Variants in PI4KA observed in about 807,000 individuals in gnomAD.
PI4KA encodes the protein PI4-kinase alpha.
PI4KA carries 122 observed loss-of-function variants against 271.4 expected under a neutral mutation model. The observed-to-expected ratio is 0.45, with a 90% CI of 0.39 to 0.52. PI4KA has a LOEUF of 0.52. Ranked by LOEUF, PI4KA falls within the 20% of genes least tolerant of loss-of-function variation. The pLI is 0.00. For missense variants in PI4KA, 1,969 were observed against 2,769.1 expected (o/e 0.71, Z 6.48); for synonymous variants, 1,041 against 1,078.8 (o/e 0.96, Z 0.69).
intron 43 of PI4KA, 122 bp downstream of exon 43, chr22:20,721,176 G>GCAAA (rs2147203848): frequency 1.1e-6 from 1 of 946,602 alleles, no homozygotes; most frequent in East Asian, 2.4e-5. Context: ...AGCAAAGGGT[G>GCAAA]GGAGTGGAGG....
At chr22:20,784,518 C>G (rs1362638087) in intron 19 of PI4KA, among the ~76,000 whole-genome samples, 1 of 152,112 alleles carries the variant, frequency 6.6e-6, no homozygotes. Flanking sequence ...TGCTTTGTGG[C>G]TTCGAGTCCC....
chr22:20,794,141 C>T (rs1026612275), intron 18 of PI4KA, among the ~76,000 whole-genome samples: 1 of 152,212 alleles, frequency 6.6e-6, no homozygotes, highest in Non-Finnish European at 1.5e-5. Context: ...AGCTGTTTTC[C>T]CTGGGCTGGG....
Position 20,834,621 on chromosome 22 carries a change from A to G in PI4KA, c.308T>C (p.Leu103Pro). The G allele has an allele frequency of 6.2e-7, 1 of 1,610,354 alleles. No homozygotes were observed. The stretch of plus-strand genomic sequence containing the variant: ...ATACACTTTTGGAAGACCTTTGAGA[A>G]GTCGAAGAAGGTAAGGAACCACACA... ...KDCVVPYLLRLLKGLPKVYWV... is the reference protein window; with the variant it reads ...KDCVVPYLLRPLKGLPKVYWV... The change falls in exon 3 of 55, where the codon CTT becomes CCT. Residue 103 changes from leucine to proline, a missense_variant. By Grantham distance (98) the Leu-to-Pro change is moderately conservative. Around this residue, in one of 13 missense-constraint regions of PI4KA, gnomAD observed 540 missense variants for 555.5 expected, o/e 0.97. Coordinates refer to ENST00000255882, the MANE Select transcript of PI4KA (RefSeq NM_058004.4).
At chr22:20,824,732 TCACACACACACACACACA>T (rs361914) in intron 3 of PI4KA, among the ~76,000 whole-genome samples, 4,791 of 136,280 alleles carry the variant, frequency 0.035, 102 homozygotes, top group Middle Eastern at 0.064. Flanking sequence ...ATGTGATAAA[TCACACACACACACACACA>T]CACACACACA....
chr22:20,712,354 C>G, intron 50 of PI4KA, 132 bp downstream of exon 50: 2 of 1,547,564 alleles, frequency 1.3e-6, no homozygotes, highest in South Asian at 2.4e-5. Context: ...CGTGCCCGGC[C>G]CAGGTGCCCT....
intron 22 of PI4KA, among the ~76,000 whole-genome samples, chr22:20,761,689 C>T (rs1278716029): frequency 1.3e-5 from 2 of 151,954 alleles, no homozygotes; most frequent in Non-Finnish European, 1.5e-5. Context: ...CAACAGGAGA[C>T]TGGGCAGATA....
At position 20,828,046 on chromosome 22, in the gene PI4KA, G is replaced by A. The variant is rs567188655; in HGVS notation, c.368-3632C>T. Among the ~76,000 whole-genome samples the A allele has an allele frequency of 4.6e-5, 7 of 152,192 alleles. No homozygotes were observed. The East Asian group carries it at 7.7e-4, about 17-fold the overall frequency. ...TGACCTCAAGTGATCCACCTGCCTC[G>A]GCCTCCCAAAGTGCTGGGATTACAG... On this transcript the variant is annotated intron_variant, in intron 3 of 54. Coordinates refer to ENST00000255882, the MANE Select transcript of PI4KA (RefSeq NM_058004.4).
chr22:20,781,841 A>G (rs890761289), intron 19 of PI4KA, among the ~76,000 whole-genome samples: 1 of 152,226 alleles, frequency 6.6e-6, no homozygotes. Flanking sequence ...GTGACCTCAG[A>G]CAAGTCATTC....
Position 20,818,464 on chromosome 22 carries a change from T to C in PI4KA, c.856+19A>G. On this transcript the variant is annotated intron_variant, in intron 7 of 54. Transcript: ENST00000255882. ...TCCAAGTATTACGTCAAAATATTCT[T>C]CGGAAAGGTGAAGCCCACCTTCAAA... 6.4e-7 allele frequency: 1 copy of C among 1,565,466 alleles called. No individual in the cohort carries two copies. Among genetic ancestry groups the C allele is most frequent in the Non-Finnish European group, 8.7e-7 (1 of 1,155,136 alleles).
In PI4KA at chr22:20,799,624, T is replaced by TGCTGAGAACAATGGGCTGCC. The variant is rs1265127280; in HGVS notation, c.1820+27_1820+46dup. 1.4e-4 allele frequency: 184 copies of TGCTGAGAACAATGGGCTGCC among 1,361,814 alleles called. 2 individuals carry two copies. The East Asian group carries it at 4.6e-3, about 34-fold the overall frequency. 84.4% of individuals were successfully genotyped at this position (1,361,814 alleles called of 1,614,324 possible). A position where few individuals can be genotyped will look rare whatever the true frequency, so the allele number is the denominator to read the frequency against. ...CAATGCCAGGTGCCCCACACGAGCC[T>TGCTGAGAACAATGGGCTGCC]GCTGAGAACAATGGGCTGCCTCTGA... On this transcript the variant is annotated intron_variant, in intron 15 of 54. Coordinates refer to ENST00000255882, the MANE Select transcript of PI4KA (RefSeq NM_058004.4).
At chr22:20,725,996 G>T (rs947257580) in intron 42 of PI4KA, among the ~76,000 whole-genome samples, 1 of 151,634 alleles carries the variant, frequency 6.6e-6, no homozygotes, top group East Asian at 1.9e-4. Flanking sequence ...CTGGCCTCCA[G>T]AATTCATGTT....
At chr22:20,784,082 G>C in intron 19 of PI4KA, 32 of 1,614,132 alleles carry the variant, frequency 2.0e-5, no homozygotes, top group Non-Finnish European at 2.7e-5. Context: ...GAACTTCCTC[G>C]CAGCAAATGA....
intron 23 of PI4KA, among the ~76,000 whole-genome samples, chr22:20,757,843 C>A (rs1306603192): frequency 1.3e-5 from 2 of 152,148 alleles, no homozygotes; most frequent in African/African-American, 2.4e-5. Context: ...CGCACCCAGC[C>A]TTTTTCTTCC....
At chr22:20,797,121 C>A (rs976625835) in intron 17 of PI4KA, among the ~76,000 whole-genome samples, 50 of 152,136 alleles carry the variant, frequency 3.3e-4, no homozygotes, top group African/African-American at 1.2e-3. Flanking sequence ...CTAAGAAATC[C>A]CAGAGCAACG....
intron 19 of PI4KA, among the ~76,000 whole-genome samples, chr22:20,772,308 C>A (rs1178211640): frequency 6.6e-6 from 1 of 152,176 alleles, no homozygotes; most frequent in East Asian, 1.9e-4. Context: ...GGGATGGTGT[C>A]CTGGGCAGAA....
chr22:20,832,190 A>T (rs2147751893), intron 3 of PI4KA, among the ~76,000 whole-genome samples: 1 of 145,106 alleles, frequency 6.9e-6, no homozygotes, highest in East Asian at 2.0e-4. Flanking sequence ...ATCTCGGCTC[A>T]CTGTTGCCTC....
chr22:20,746,189 A>T (rs1357316234), intron 29 of PI4KA, among the ~76,000 whole-genome samples: 1 of 151,092 alleles, frequency 6.6e-6, no homozygotes, highest in Non-Finnish European at 1.5e-5. Context: ...CAGCCTCCCA[A>T]GTAGCTGGGA....
intron 36 of PI4KA, among the ~76,000 whole-genome samples, chr22:20,730,545 G>C (rs996932378): frequency 1.1e-4 from 16 of 151,094 alleles, no homozygotes; most frequent in African/African-American, 3.9e-4. Flanking sequence ...AAAGTGCTAG[G>C]ATTACAGGAG....
chr22:20,707,913 G>T lies in PI4KA; in HGVS notation c.*134C>A. ...GCGCCACCCACGTGCTGCCCCAGGAGGCGCTACCAGGTTCTTTGGGCCACA... is the reference window on the plus strand; with the variant it reads ...GCGCCACCCACGTGCTGCCCCAGGATGCGCTACCAGGTTCTTTGGGCCACA... On this transcript the variant is annotated 3_prime_UTR_variant, in exon 55 of 55. Transcript: ENST00000255882. The T allele has an allele frequency of 1.2e-6, 1 of 826,226 alleles. No homozygotes were observed. Among genetic ancestry groups the T allele is most frequent in the Non-Finnish European group, 2.2e-6 (1 of 464,558 alleles). The allele number at this position is 826,226 out of a possible 1,614,324, so 51.2% of individuals were successfully genotyped here.
Sources: allele counts gnomAD v4.1 joint callset (sites outside exome capture counted in the v4.1 genomes callset), GRCh38; gene constraint gnomAD v4.1.1; regional missense constraint gnomAD v4.1.1; transcripts MANE v1.5; gene names NCBI Gene and HGNC (gene_info 2026-07-23, HGNC 2026-07-21).